Variants in KCNN3 observed in about 807,000 individuals in gnomAD.
KCNN3 encodes small conductance calcium-activated potassium channel protein 3.
A neutral mutation model predicts 62.9 loss-of-function variants in KCNN3; 16 were observed. The ratio of observed to expected loss-of-function variants is 0.25; its 90% confidence interval spans 0.17 to 0.39. KCNN3 has a LOEUF of 0.39. Among genes scored for constraint, KCNN3 ranks in the 10% least tolerant of loss-of-function variants. The pLI, the probability that KCNN3 is intolerant of heterozygous loss-of-function variation, is 1.00. For synonymous variants in KCNN3, 370 were observed against 389.2 expected (o/e 0.95, Z 0.58); for missense variants, 599 against 949.4 (o/e 0.63, Z 4.85).
At chr1:154,776,995 T>A (rs1233903428) in intron 2 of KCNN3, among the ~76,000 whole-genome samples, 1 of 152,204 alleles carries the variant, frequency 6.6e-6, no homozygotes, top group African/African-American at 2.4e-5. Context: ...TCTTCCTTGT[T>A]CCCTGTGGCA....
At chr1:154,859,934 TCA>T in intron 1 of KCNN3, 2 of 1,023,436 alleles carry the variant, frequency 2.0e-6, no homozygotes, top group Non-Finnish European at 2.8e-6. Flanking sequence ...GCATATTATT[TCA>T]CACATCATTT....
intron 3 of KCNN3, among the ~76,000 whole-genome samples, chr1:154,742,559 A>G (rs1255319959): frequency 2.0e-5 from 3 of 152,224 alleles, no homozygotes; most frequent in Non-Finnish European, 4.4e-5. Flanking sequence ...ACTAAAAAAA[A>G]GTGCTATTTT....
chr1:154,821,306 G>C (rs764387782), intron 2 of KCNN3, among the ~76,000 whole-genome samples: 5 of 152,200 alleles, frequency 3.3e-5, no homozygotes, highest in Non-Finnish European at 7.3e-5. Flanking sequence ...TGCACATGAG[G>C]AAAAACATCT....
intron 1 of KCNN3, among the ~76,000 whole-genome samples, chr1:154,829,570 C>G (rs1419500251): frequency 2.0e-5 from 3 of 152,170 alleles, no homozygotes; most frequent in African/African-American, 4.8e-5. Flanking sequence ...AAAGCTGAGA[C>G]AAGACCATCC....
At position 154,729,350 on chromosome 1, in the gene KCNN3, G is replaced by A. The variant is rs145564881; in HGVS notation, c.1591-3324C>T. On this transcript the variant is annotated intron_variant, in intron 4 of 7. Transcript: ENST00000271915. ...CCATGGGGCGAGGGGAGTGGATGGG[G>A]TCCACTTCTGATGAGCTGGAACTTC... Among the ~76,000 whole-genome samples the A allele has an allele frequency of 3.9e-5, 6 of 152,240 alleles. No individual in the cohort carries two copies. In the East Asian group the frequency reaches 1.2e-3, roughly 29 times the overall value.
rs7530927 is a variant in KCNN3, at chr1:154,845,023, G to A, written c.934-22839C>T. 7.7e-3 allele frequency among the ~76,000 whole-genome samples: 1,165 copies of A among 151,128 alleles called. 18 individuals carry two copies. Among genetic ancestry groups the A allele is most frequent in the African/African-American group, 0.027 (1,113 of 41,164 alleles). On this transcript the variant is annotated intron_variant, in intron 1 of 7. Transcript: ENST00000271915. ...CCCGTCTCAAAAAACAAAAAAAAGA[G>A]AGAGAAAAAAAACTGGGGCCACTCA...
chr1:154,799,212 T>C (rs1167692280), intron 2 of KCNN3, among the ~76,000 whole-genome samples: 1 of 152,176 alleles, frequency 6.6e-6, no homozygotes, highest in Non-Finnish European at 1.5e-5. Flanking sequence ...CCACCATGCC[T>C]GGCCTAAAGC....
At chr1:154,771,113 T>G (rs965366799) in intron 3 of KCNN3, among the ~76,000 whole-genome samples, 7 of 147,532 alleles carry the variant, frequency 4.7e-5, no homozygotes, top group East Asian at 2.0e-4. Context: ...ATAAATAAAA[T>G]GAAAATCCAG....
intron 3 of KCNN3, among the ~76,000 whole-genome samples, chr1:154,754,311 G>T (rs186349338): frequency 6.6e-6 from 1 of 152,112 alleles, no homozygotes; most frequent in African/African-American, 2.4e-5. Context: ...AAGCGACACC[G>T]CAGAATAAGA....
chr1:154,741,980 C>G (rs1308002474), intron 3 of KCNN3, among the ~76,000 whole-genome samples: 1 of 152,240 alleles, frequency 6.6e-6, no homozygotes, highest in Non-Finnish European at 1.5e-5. Flanking sequence ...GGCTTGGCCC[C>G]CTGGCGGCCT....
intron 2 of KCNN3, among the ~76,000 whole-genome samples, chr1:154,815,440 C>T (rs1484817296): frequency 7.2e-5 from 11 of 152,200 alleles, no homozygotes; most frequent in African/African-American, 2.7e-4. Context: ...TGCCCAGCCT[C>T]TCTGGGAGAA....
Position 154,770,899 on chromosome 1 carries a change from A to G in KCNN3, c.1448+1076T>C, listed in dbSNP as rs537075622. 5.3e-5 allele frequency among the ~76,000 whole-genome samples: 8 copies of G among 152,160 alleles called. No individual in the cohort carries two copies. In the South Asian group the frequency reaches 1.7e-3, roughly 32 times the overall value. ...TGGTGAAACCCCATCTCTACTAAAA[A>G]CACAAAAATTAGCCTGGTATGGTGG... On this transcript the variant is annotated intron_variant, in intron 3 of 7. Transcript: ENST00000271915.
At chr1:154,846,998 C>T (rs75242321) in intron 1 of KCNN3, among the ~76,000 whole-genome samples, 1,686 of 152,202 alleles carry the variant, frequency 0.011, 38 homozygotes, top group African/African-American at 0.039. Flanking sequence ...TGCTAGTAAG[C>T]GGCAGAGCCA....
chr1:154,780,205 T>TTC (rs1025063119), intron 2 of KCNN3, among the ~76,000 whole-genome samples: 1 of 147,566 alleles, frequency 6.8e-6, no homozygotes, highest in African/African-American at 2.5e-5. Context: ...TTTTTTTTTT[T>TTC]TTTTTTTTTT....
chr1:154,758,059 G>A (rs188055095), intron 3 of KCNN3, among the ~76,000 whole-genome samples: 179 of 152,268 alleles, frequency 1.2e-3, no homozygotes, highest in Middle Eastern at 6.8e-3. Context: ...AACTTCTTTC[G>A]TGCGGACCCA....
intron 1 of KCNN3, among the ~76,000 whole-genome samples, chr1:154,841,986 G>A (rs78204256): frequency 0.028 from 4,318 of 152,360 alleles, 101 homozygotes; most frequent in Middle Eastern, 0.12. Context: ...GTGGGTGAGC[G>A]AGGGCACGAC....
intron 3 of KCNN3, among the ~76,000 whole-genome samples, chr1:154,752,463 T>C (rs934582986): frequency 2.6e-5 from 4 of 152,142 alleles, no homozygotes; most frequent in Admixed American, 1.3e-4. Context: ...CCTCGGAGAA[T>C]GGGAGTGCTC....
chr1:154,753,507 C>T (rs891134946), intron 3 of KCNN3, among the ~76,000 whole-genome samples: 12 of 152,352 alleles, frequency 7.9e-5, no homozygotes, highest in African/African-American at 2.9e-4. Context: ...TCAACACAGA[C>T]TCACTCTGTA....
At chr1:154,713,677 A>G (rs1700123681) in intron 6 of KCNN3, 144 bp from the exon 7 acceptor site, 2 of 710,976 alleles carry the variant, frequency 2.8e-6, no homozygotes, top group East Asian at 2.7e-5. Context: ...TGAGGCTTTT[A>G]CTTTCCAGGG....
Sources: allele counts gnomAD v4.1 joint callset (sites outside exome capture counted in the v4.1 genomes callset), GRCh38; gene constraint gnomAD v4.1.1; transcripts MANE v1.5; gene names NCBI Gene and HGNC (gene_info 2026-07-23, HGNC 2026-07-21).